Variants in RYR2 observed in about 807,000 individuals in gnomAD.
RYR2 encodes cardiac muscle ryanodine receptor-calcium release channel.
In RYR2, 227 loss-of-function variants were observed where a neutral mutation model predicts 601.1. The ratio of observed to expected loss-of-function variants is 0.38; its 90% CI spans 0.34 to 0.42. The LOEUF (loss-of-function observed/expected upper bound fraction) is 0.42, where lower values mean the gene tolerates loss of function less well. Among genes scored for constraint, RYR2 ranks in the 10% least tolerant of loss-of-function variants. RYR2 has a pLI of 1.00. For missense variants in RYR2, 4,646 were observed against 6,156.5 expected (o/e 0.75, Z 8.21); for synonymous variants, 2,223 against 2,175.1 (o/e 1.02, Z -0.61).
At chr1:237,060,393 T>C (rs1662691019) in intron 1 of RYR2, among the ~76,000 whole-genome samples, 1 of 152,200 alleles carries the variant, frequency 6.6e-6, no homozygotes, top group African/African-American at 2.4e-5. Context: ...TAAGTAACTT[T>C]AAAGGAAACT....
intron 24 of RYR2, 59 bp downstream of exon 24, chr1:237,511,850 A>AAAAAAG: frequency 1.1e-6 from 1 of 881,352 alleles, no homozygotes. Context: ...AAAAAAAAAA[A>AAAAAAG]AAAAAAAAAC....
chr1:237,774,479 G>A (rs1306065792), intron 87 of RYR2, among the ~76,000 whole-genome samples: 1 of 152,144 alleles, frequency 6.6e-6, no homozygotes, highest in Non-Finnish European at 1.5e-5. Flanking sequence ...GAGGTAGGAA[G>A]ACCTCCTCCA....
At chr1:237,118,884 T>G (rs1670440353) in intron 1 of RYR2, among the ~76,000 whole-genome samples, 1 of 152,170 alleles carries the variant, frequency 6.6e-6, no homozygotes, top group African/African-American at 2.4e-5. Flanking sequence ...CCGGAACTAC[T>G]TAGTCTTTTT....
Position 237,614,686 on chromosome 1 carries a change from A to T in RYR2, c.5558A>T (p.Glu1853Val), listed in dbSNP as rs1260982263. The change falls in exon 37 of 105, where the codon GAA (glutamate) becomes GTA (valine). Residue 1853 changes from glutamate to valine, a missense_variant. By Grantham distance (121) the Glu-to-Val change is moderately radical. Coordinates refer to ENST00000366574, the MANE Select transcript of RYR2 (RefSeq NM_001035.3). This position sits in a 1 kb window ranked among gnomAD's most constrained non-coding sequence, Gnocchi z 4.3. Reference protein sequence around the residue: ...LQLIEPSVFKEAATPEEESDT... With the variant: ...LQLIEPSVFKVAATPEEESDT... The stretch of plus-strand genomic sequence containing the variant: ...TTGATTGAGCCCAGTGTGTTTAAAG[A>T]AGCTGCCACTCCGGAGGAGGAGAGT... The T allele has an allele frequency of 6.2e-7, 1 of 1,613,884 alleles. No homozygotes were observed. The highest frequency in any genetic ancestry group is 8.5e-7 in the Non-Finnish European group (1 of 1,179,900).
intron 1 of RYR2, among the ~76,000 whole-genome samples, chr1:237,151,006 C>T (rs1307962708): frequency 6.6e-6 from 1 of 152,082 alleles, no homozygotes; most frequent in African/African-American, 2.4e-5. Context: ...TGAGTTTAAA[C>T]AAATACACAG....
intron 87 of RYR2, among the ~76,000 whole-genome samples, chr1:237,774,382 T>G (rs549554478): frequency 5.6e-4 from 85 of 152,270 alleles, no homozygotes; most frequent in African/African-American, 1.9e-3. Context: ...TAAAAATAAA[T>G]TGTATCCCAG....
intron 27 of RYR2, among the ~76,000 whole-genome samples, chr1:237,556,841 A>G (rs1266270958): frequency 7.2e-6 from 1 of 139,596 alleles, no homozygotes. Context: ...TATATTAGTT[A>G]TCTATTCCTG....
At chr1:237,617,212 C>A in intron 37 of RYR2, 74 bp from the exon 38 acceptor site, 2 of 1,344,392 alleles carry the variant, frequency 1.5e-6, no homozygotes, top group Admixed American at 2.4e-5. Flanking sequence ...GGATGTTTAC[C>A]ACAGATTATG....
chr1:237,769,529 T>A (rs758968289), intron 84 of RYR2, among the ~76,000 whole-genome samples: 9 of 152,314 alleles, frequency 5.9e-5, no homozygotes, highest in South Asian at 2.1e-4. Flanking sequence ...GTACTTTTTT[T>A]AATGTTTATA....
rs550890741 is a variant in RYR2 at position 237,633,531 on chromosome 1, A to G, written c.6556-47A>G. ...GACCTCAACGTATGAACTCAATTTTATAAAGGTCGTTTGCTTTCAGCAGCT... is the reference window on the plus strand; with the variant it reads ...GACCTCAACGTATGAACTCAATTTTGTAAAGGTCGTTTGCTTTCAGCAGCT... On this transcript the variant is annotated intron_variant, in intron 42 of 104. Coordinates refer to ENST00000366574, the MANE Select transcript of RYR2 (RefSeq NM_001035.3). 4 of 1,611,394 alleles carry G rather than the reference A, an allele frequency of 2.5e-6. No individual in the cohort carries two copies. The Admixed American group carries it at 5.0e-5, about 20-fold the overall frequency.
intron 1 of RYR2, among the ~76,000 whole-genome samples, chr1:237,204,295 C>T (rs1681534440): frequency 6.6e-6 from 1 of 152,224 alleles, no homozygotes; most frequent in African/African-American, 2.4e-5. Flanking sequence ...AGGCGTGAGC[C>T]ACCACGCCTG....
At chr1:237,744,719 T>TTA (rs554634163) in intron 80 of RYR2, among the ~76,000 whole-genome samples, 31,469 of 146,226 alleles carry the variant, frequency 0.22, 3,918 homozygotes, top group Middle Eastern at 0.31. Flanking sequence ...CTTCTTTTTT[T>TTA]AAAAAAAAAA....
intron 35 of RYR2, among the ~76,000 whole-genome samples, chr1:237,603,556 G>T (rs554068821): frequency 4.6e-5 from 7 of 152,300 alleles, no homozygotes; most frequent in Non-Finnish European, 7.3e-5. Context: ...CATAATGACA[G>T]GATCAAATTC....
chr1:237,279,197 C>G (rs530804231), intron 2 of RYR2, among the ~76,000 whole-genome samples: 1 of 152,228 alleles, frequency 6.6e-6, no homozygotes, highest in African/African-American at 2.4e-5. Flanking sequence ...TTACACTTTT[C>G]TGAAGGATTG....
chr1:237,761,334 C>T (rs1422701011), intron 84 of RYR2, among the ~76,000 whole-genome samples: 1 of 152,126 alleles, frequency 6.6e-6, no homozygotes, highest in Non-Finnish European at 1.5e-5. Context: ...TCTGGGAAAT[C>T]ATAAACCACA....
intron 70 of RYR2, 117 bp downstream of exon 70, chr1:237,709,684 G>T: frequency 3.6e-6 from 2 of 549,574 alleles, no homozygotes; most frequent in South Asian, 3.5e-5. Flanking sequence ...GGAGTTTGAG[G>T]GAATATAAAC....
chr1:237,546,002 A>G (rs1370273035), intron 25 of RYR2, among the ~76,000 whole-genome samples: 1 of 150,836 alleles, frequency 6.6e-6, no homozygotes, highest in South Asian at 2.1e-4. Flanking sequence ...ATCTATATCT[A>G]TATATTCTAA....
chr1:237,539,073 A>G (rs1401427750), intron 25 of RYR2, among the ~76,000 whole-genome samples: 1 of 152,238 alleles, frequency 6.6e-6, no homozygotes, highest in Non-Finnish European at 1.5e-5. Flanking sequence ...TACAACCTAG[A>G]TACACTGATA....
At chr1:237,444,407 C>G (rs74147268) in intron 13 of RYR2, among the ~76,000 whole-genome samples, 10,247 of 152,186 alleles carry the variant, frequency 0.067, 420 homozygotes, top group African/African-American at 0.11. Flanking sequence ...GTGTCTCACT[C>G]ATTTTTTATA....
Sources: allele counts gnomAD v4.1 joint callset (sites outside exome capture counted in the v4.1 genomes callset), GRCh38; gene constraint gnomAD v4.1.1; non-coding constraint Gnocchi (gnomAD v3.1); transcripts MANE v1.5; gene names NCBI Gene and HGNC (gene_info 2026-07-23, HGNC 2026-07-21).